MAPK4: variants seen among roughly 807,000 people sequenced by gnomAD.
MAPK4 encodes the protein Erk3-related.
A neutral mutation model predicts 47.7 loss-of-function variants in MAPK4; 22 were observed. That is an observed-to-expected ratio of 0.46 (90% CI 0.33 to 0.66). The LOEUF (loss-of-function observed/expected upper bound fraction) is 0.66. Among genes scored for constraint, MAPK4 ranks in the 30% least tolerant of loss-of-function variants. The probability of loss-of-function intolerance (pLI) is 0.02; values close to 1 mark genes in which losing one functional copy is unlikely to be tolerated. For synonymous variants in MAPK4, 390 were observed against 365.7 expected, an observed-to-expected ratio of 1.07 and a Z score of -0.76; for missense variants, 736 against 831.7, an observed-to-expected ratio of 0.88 and a Z score of 1.42.
At chr18:50,609,293 G>A (rs1419980712) in intron 1 of MAPK4, among the ~76,000 whole-genome samples, 1 of 151,660 alleles carries the variant, frequency 6.6e-6, no homozygotes, top group African/African-American at 2.4e-5. Flanking sequence ...CAGAAGGGGC[G>A]GCCAGGCAGA....
intron 3 of MAPK4, 137 bp from the exon 4 acceptor site, chr18:50,721,801 C>T (rs925458123): frequency 2.6e-6 from 2 of 760,440 alleles, no homozygotes; most frequent in Non-Finnish European, 4.1e-6. Context: ...CAAATGAAGA[C>T]CAGAACCCCG....
At chr18:50,726,228 A>C (rs368143336) in intron 5 of MAPK4, 53 bp downstream of exon 5, 28 of 1,563,506 alleles carry the variant, frequency 1.8e-5, no homozygotes, top group African/African-American at 1.6e-4. Context: ...TCCCATCTCT[A>C]TTTTGCCTCT....
chr18:50,726,146 G>A lies in MAPK4; in HGVS notation c.1038G>A (p.Gln346=), dbSNP rs768420694. Residue 346 remains glutamine (Q), a synonymous_variant, in exon 5 of 6, where the codon CAG becomes CAA. Coordinates refer to ENST00000400384, the MANE Select transcript of MAPK4 (RefSeq NM_002747.4). The stretch of plus-strand genomic sequence containing the variant: ...TGCTGATGGCCGCTAACCAGAGCCA[G>A]CTGTCCAACTGGGACACGTGCAGTT... ...DIVLMAANQS[Q]LSNWDTCSSR... The A allele has an allele frequency of 1.9e-6, 3 of 1,613,976 alleles. No homozygotes were observed. The highest frequency in any genetic ancestry group is 2.7e-5 in the African/African-American group (2 of 74,930).
At chr18:50,569,957 C>T (rs977216698) in intron 1 of MAPK4, among the ~76,000 whole-genome samples, 1 of 152,228 alleles carries the variant, frequency 6.6e-6, no homozygotes, top group Non-Finnish European at 1.5e-5. Flanking sequence ...ACATCTTAAA[C>T]CTGAAATTCC....
intron 1 of MAPK4, among the ~76,000 whole-genome samples, chr18:50,605,331 G>C (rs1294923615): frequency 6.6e-6 from 1 of 152,188 alleles, no homozygotes; most frequent in East Asian, 1.9e-4. Flanking sequence ...AGAGGCAGCA[G>C]AGGGCTCCCA....
intron 1 of MAPK4, among the ~76,000 whole-genome samples, chr18:50,587,130 G>T (rs1376619135): frequency 6.6e-6 from 1 of 152,186 alleles, no homozygotes; most frequent in Non-Finnish European, 1.5e-5. Flanking sequence ...AGAAGAGATT[G>T]CTGTGGTCTG....
intron 1 of MAPK4, among the ~76,000 whole-genome samples, chr18:50,581,312 T>C (rs111994697): frequency 2.6e-5 from 4 of 152,152 alleles, no homozygotes; most frequent in Non-Finnish European, 5.9e-5. Flanking sequence ...GCCACAGACA[T>C]CTGGAAGCTT....
chr18:50,631,019 C>A (rs988442915), intron 1 of MAPK4, among the ~76,000 whole-genome samples: 2 of 152,208 alleles, frequency 1.3e-5, no homozygotes, highest in Non-Finnish European at 2.9e-5. Context: ...CAAACCAGCA[C>A]TCACAGTCCT....
At chr18:50,648,099 C>CAGAGAGAGAGAGAGAGAG (rs146378809) in intron 1 of MAPK4, among the ~76,000 whole-genome samples, 2 of 146,982 alleles carry the variant, frequency 1.4e-5, no homozygotes, top group African/African-American at 5.0e-5. Flanking sequence ...AAGAAAGACC[C>CAGAGAGAGAGAGAGAGAG]AGAGAGAGAG....
intron 2 of MAPK4, among the ~76,000 whole-genome samples, chr18:50,708,318 G>A (rs1455005622): frequency 6.6e-6 from 1 of 152,300 alleles, no homozygotes; most frequent in East Asian, 1.9e-4. Context: ...TCTTCTAAAT[G>A]ATCTTTTGAT....
Position 50,729,331 on chromosome 18 carries a change from C to T in MAPK4, c.1241C>T (p.Ser414Leu). The change falls in exon 6 of 6, where the codon TCG (serine) becomes TTG (leucine). Residue 414 changes from serine to leucine, a missense_variant. Ser to Leu is a moderately radical substitution (Grantham distance 145). Transcript: ENST00000400384. ...SSERFLEQSHSSMERAFEADY... is the reference protein window; with the variant it reads ...SSERFLEQSHLSMERAFEADY... Reference sequence around the variant, plus strand: ...GAGCGCTTCCTAGAGCAGTCGCACTCGTCCATGGAGCGCGCCTTCGAGGCC... The same window carrying T: ...GAGCGCTTCCTAGAGCAGTCGCACTTGTCCATGGAGCGCGCCTTCGAGGCC... The T allele has an allele frequency of 6.3e-7, 1 of 1,595,350 alleles. No individual in the cohort carries two copies. The highest frequency in any genetic ancestry group is 8.5e-7 in the Non-Finnish European group (1 of 1,170,552).
chr18:50,695,546 T>C (rs995971324), intron 2 of MAPK4, among the ~76,000 whole-genome samples: 1 of 151,960 alleles, frequency 6.6e-6, no homozygotes, highest in Non-Finnish European at 1.5e-5. Flanking sequence ...GCGCTTGACG[T>C]GAGCCTTGTG....
intron 1 of MAPK4, among the ~76,000 whole-genome samples, chr18:50,631,854 A>G (rs1341922906): frequency 6.6e-6 from 1 of 152,254 alleles, no homozygotes; most frequent in East Asian, 1.9e-4. Context: ...AGTAGGAAAT[A>G]ATACAACTTT....
In MAPK4 at chr18:50,729,858, C is replaced by T. The variant is rs578125934; in HGVS notation, c.*4C>T. 210 of 1,603,086 alleles carry T rather than the reference C, an allele frequency of 1.3e-4. 1 individual carries two copies. In the South Asian group the frequency reaches 2.3e-3, roughly 17 times the overall value. On this transcript the variant is annotated 3_prime_UTR_variant, in exon 6 of 6. Transcript: ENST00000400384. ...CTTCTCCAAAGAAAGGTGGTGAGGGCGGAGGGGCCGCTCCAGGCCCCACAG... is the reference window on the plus strand; with the variant it reads ...CTTCTCCAAAGAAAGGTGGTGAGGGTGGAGGGGCCGCTCCAGGCCCCACAG...
chr18:50,712,348 G>T (rs1910415298), intron 2 of MAPK4, among the ~76,000 whole-genome samples: 1 of 152,108 alleles, frequency 6.6e-6, no homozygotes, highest in African/African-American at 2.4e-5. Flanking sequence ...GGTCCCGTGA[G>T]CCTGGGAGGC....
chr18:50,665,698 T>C (rs1432692857), intron 2 of MAPK4, among the ~76,000 whole-genome samples: 1 of 152,166 alleles, frequency 6.6e-6, no homozygotes, highest in Non-Finnish European at 1.5e-5. Flanking sequence ...GGCTGGAACT[T>C]GGGCTCCAGC....
intron 1 of MAPK4, among the ~76,000 whole-genome samples, chr18:50,574,560 G>T (rs958643166): frequency 2.6e-5 from 4 of 152,158 alleles, no homozygotes; most frequent in Non-Finnish European, 5.9e-5. Context: ...CCCTCCTTTT[G>T]CTGCAACAGT....
At chr18:50,593,932 T>G (rs956530249) in intron 1 of MAPK4, among the ~76,000 whole-genome samples, 8 of 152,036 alleles carry the variant, frequency 5.3e-5, no homozygotes, top group African/African-American at 1.9e-4. Context: ...GTCTGCAAGG[T>G]GTGGAAGAAA....
In MAPK4 at chr18:50,729,519, G is replaced by C. The variant is rs1347123605; in HGVS notation, c.1429G>C (p.Ala477Pro). 6.9e-7 allele frequency: 1 copy of C among 1,440,202 alleles called. No individual in the cohort carries two copies. Among genetic ancestry groups the C allele is most frequent in the East Asian group, 2.5e-5 (1 of 39,476 alleles). The allele number at this position is 1,440,202 out of a possible 1,614,324, so 89.2% of individuals were successfully genotyped here. ...AGAPPTATGL[A>P]DTGAREDEPA... ...CGCGCCCCCCACGGCCACGGGGCTG[G>C]CGGACACGGGGGCGCGCGAGGACGA... Residue 477 changes from alanine to proline, a missense_variant, in exon 6 of 6, where the codon GCG (alanine) becomes CCG (proline). Transcript: ENST00000400384.
Sources: gnomAD v4.1 joint callset for allele counts (sites outside exome capture counted in the v4.1 genomes callset) on GRCh38, gnomAD v4.1.1 for gene constraint, MANE v1.5 for transcripts, NCBI Gene and HGNC (gene_info 2026-07-23, HGNC 2026-07-21) for gene names.